Variants in STK31 observed in about 807,000 individuals in gnomAD.
STK31 encodes the protein serine/threonine-protein kinase 31.
Under a neutral mutation model 129.7 loss-of-function variants are expected in STK31, and 89 were observed. The observed-to-expected ratio is 0.69, with a 90% CI of 0.58 to 0.82. The LOEUF is 0.82. STK31 is among the 40% of genes least tolerant of loss of function. The pLI, the probability that STK31 is intolerant of heterozygous loss-of-function variation, is 0.00. For missense variants in STK31, 1,187 were observed against 1,176.4 expected, an observed-to-expected ratio of 1.01 and a Z score of -0.13; for synonymous variants, 448 against 395.3, an observed-to-expected ratio of 1.13 and a Z score of -1.58.
chr7:23,802,001 T>A (rs546189555), intron 22 of STK31, among the ~76,000 whole-genome samples: 1 of 152,362 alleles, frequency 6.6e-6, no homozygotes, highest in Admixed American at 6.5e-5. Context: ...TTCAGCTATC[T>A]TTCCTTTTTT....
intron 1 of STK31, among the ~76,000 whole-genome samples, chr7:23,711,673 C>G (rs994221469): frequency 1.3e-5 from 2 of 152,018 alleles, no homozygotes; most frequent in African/African-American, 4.8e-5. Flanking sequence ...AACCACCGTG[C>G]CTTTTACATA....
chr7:23,719,426 CA>C (rs748402916), intron 4 of STK31, among the ~76,000 whole-genome samples: 2 of 149,900 alleles, frequency 1.3e-5, no homozygotes, highest in Admixed American at 1.3e-4. Flanking sequence ...AAGCTCTAAC[CA>C]AAAAAAAAGT....
intron 23 of STK31, among the ~76,000 whole-genome samples, chr7:23,818,069 A>G (rs925913352): frequency 1.3e-5 from 2 of 152,040 alleles, no homozygotes; most frequent in Non-Finnish European, 2.9e-5. Context: ...AACAAATTGT[A>G]ATATTATATT....
chr7:23,764,034 T>C (rs1768797152), intron 11 of STK31, among the ~76,000 whole-genome samples: 1 of 152,208 alleles, frequency 6.6e-6, no homozygotes, highest in South Asian at 2.1e-4. Flanking sequence ...ATTGTTTCTT[T>C]CTGTCCTGCT....
chr7:23,784,767 TTGA>T (rs1472705627), intron 17 of STK31, among the ~76,000 whole-genome samples: 2 of 152,122 alleles, frequency 1.3e-5, no homozygotes, highest in African/African-American at 2.4e-5. Context: ...GTTTAAAATG[TTGA>T]TGATCATATT....
At chr7:23,721,651 TGGATTCCTG>T (rs1460209575) in intron 4 of STK31, 3 of 835,488 alleles carry the variant, frequency 3.6e-6, no homozygotes, top group Non-Finnish European at 6.4e-6. Flanking sequence ...CCAAGCCCTG[TGGATTCCTG>T]ACAGCACAGG....
intron 23 of STK31, among the ~76,000 whole-genome samples, chr7:23,830,972 C>G (rs1474366428): frequency 2.6e-5 from 4 of 152,030 alleles, no homozygotes; most frequent in Admixed American, 2.6e-4. Flanking sequence ...TTTTAGTTTT[C>G]CATTGTGGTC....
At chr7:23,811,451 A>G (rs1793126407) in intron 22 of STK31, 2 of 321,910 alleles carry the variant, frequency 6.2e-6, no homozygotes, top group South Asian at 3.6e-5. Flanking sequence ...GACAATATCA[A>G]TACCAGTGAT....
chr7:23,725,185 A>G (rs1786979619), intron 4 of STK31, among the ~76,000 whole-genome samples: 1 of 152,074 alleles, frequency 6.6e-6, no homozygotes, highest in African/African-American at 2.4e-5. Flanking sequence ...CCAACTCTCC[A>G]TAAGGACCAC....
intron 15 of STK31, among the ~76,000 whole-genome samples, chr7:23,774,411 G>A (rs891684816): frequency 6.6e-6 from 1 of 152,090 alleles, no homozygotes. Flanking sequence ...GTGTAAAAGT[G>A]TTCCTATTTC....
intron 23 of STK31, among the ~76,000 whole-genome samples, chr7:23,815,590 T>C (rs1257364811): frequency 6.6e-6 from 1 of 152,154 alleles, no homozygotes; most frequent in East Asian, 1.9e-4. Flanking sequence ...ATTTCTGTGA[T>C]AGGAATTGAA....
intron 4 of STK31, among the ~76,000 whole-genome samples, chr7:23,720,459 A>T (rs9655237): frequency 0.45 from 69,009 of 151,946 alleles, 15,999 homozygotes; most frequent in Admixed American, 0.54. Context: ...TCTGTGTCTT[A>T]TCAAGAGTCA....
intron 3 of STK31, among the ~76,000 whole-genome samples, chr7:23,713,812 A>G: frequency 6.6e-6 from 1 of 152,060 alleles, no homozygotes; most frequent in African/African-American, 2.4e-5. Flanking sequence ...GCGGCTGTAC[A>G]GTTAACTTTT....
At chr7:23,725,322 G>A (rs1465727450) in intron 4 of STK31, among the ~76,000 whole-genome samples, 1 of 129,094 alleles carries the variant, frequency 7.7e-6, no homozygotes. Flanking sequence ...ATTGGTTGAG[G>A]CCAGGAGTTC....
intron 15 of STK31, among the ~76,000 whole-genome samples, chr7:23,772,782 AC>A (rs1296961234): frequency 2.6e-5 from 4 of 152,166 alleles, no homozygotes; most frequent in African/African-American, 9.7e-5. Flanking sequence ...CCTAATCTGG[AC>A]TAACTTCTTC....
intron 23 of STK31, among the ~76,000 whole-genome samples, chr7:23,818,743 G>C (rs1198778797): frequency 6.6e-6 from 1 of 152,114 alleles, no homozygotes; most frequent in Non-Finnish European, 1.5e-5. Flanking sequence ...TCGTGCCTCA[G>C]CCTCCCGAGT....
intron 22 of STK31, among the ~76,000 whole-genome samples, chr7:23,799,389 A>G (rs963421569): frequency 2.0e-5 from 3 of 152,328 alleles, no homozygotes; most frequent in East Asian, 1.9e-4. Context: ...GTACCAAAAT[A>G]GATATATAGA....
rs1316647709 is a variant in STK31, at chr7:23,790,727, A to G, written c.2638-97A>G. 8 of 1,175,744 alleles carry G rather than the reference A, an allele frequency of 6.8e-6. No homozygotes were observed. The Admixed American group carries it at 2.0e-4, about 29-fold the overall frequency. The allele number at this position is 1,175,744 out of a possible 1,614,324, so 72.8% of individuals were successfully genotyped here. A position where few individuals can be genotyped will look rare whatever the true frequency, so the allele number is the denominator to read the frequency against. On this transcript the variant is annotated intron_variant, in intron 21 of 23. Coordinates refer to ENST00000355870, the MANE Select transcript of STK31 (RefSeq NM_031414.5). ...AAAGCAAGGGAATGAAATATTTAAA[A>G]TGAATTTGTTTTTTGTATTGATTAA...
intron 21 of STK31, among the ~76,000 whole-genome samples, chr7:23,790,390 T>C (rs902557119): frequency 6.6e-6 from 1 of 152,216 alleles, no homozygotes; most frequent in Non-Finnish European, 1.5e-5. Flanking sequence ...CATGCTATTG[T>C]CACTGATCAT....
Sources: allele counts gnomAD v4.1 joint callset (sites outside exome capture counted in the v4.1 genomes callset), GRCh38; gene constraint gnomAD v4.1.1; transcripts MANE v1.5; gene names NCBI Gene and HGNC (gene_info 2026-07-23, HGNC 2026-07-21).